The following MCF2L2 variants were observed in gnomAD, a reference collection of about 807,000 sequenced individuals.
The protein encoded by MCF2L2 is probable guanine nucleotide exchange factor MCF2L2.
MCF2L2 carries 102 observed loss-of-function variants against 150.2 expected under a neutral mutation model. That is an observed-to-expected ratio of 0.68 (90% CI 0.58 to 0.80). The LOEUF is 0.80. Ranked by LOEUF, MCF2L2 falls within the 30% of genes least tolerant of loss-of-function variation. The probability of loss-of-function intolerance (pLI) is 0.00; values close to 1 mark genes in which losing one functional copy is unlikely to be tolerated. For synonymous variants in MCF2L2, 465 were observed against 491.3 expected (o/e 0.95, Z 0.71); for missense variants, 1,256 against 1,372.8 (o/e 0.91, Z 1.34).
chr3:183,334,577 C>T (rs1030111833), intron 5 of MCF2L2, among the ~76,000 whole-genome samples: 1 of 151,496 alleles, frequency 6.6e-6, no homozygotes. Flanking sequence ...CACCTGAGGT[C>T]AGGAGTTCGA....
chr3:183,369,894 G>C (rs1712762328), intron 3 of MCF2L2, among the ~76,000 whole-genome samples: 1 of 152,174 alleles, frequency 6.6e-6, no homozygotes, highest in African/African-American at 2.4e-5. Flanking sequence ...TCCAAAGTTT[G>C]ATTTTAAAAA....
At chr3:183,228,803 ACTG>A (rs1255569685) in intron 17 of MCF2L2, among the ~76,000 whole-genome samples, 2 of 152,170 alleles carry the variant, frequency 1.3e-5, no homozygotes, top group Non-Finnish European at 2.9e-5. Context: ...GTTCATAAGA[ACTG>A]CTGCTGCTGC....
At chr3:183,349,016 A>C (rs1387032026) in intron 3 of MCF2L2, among the ~76,000 whole-genome samples, 2 of 152,222 alleles carry the variant, frequency 1.3e-5, no homozygotes, top group Admixed American at 6.5e-5. Context: ...CTAGCAATGC[A>C]GACGATATTC....
Position 183,230,860 on chromosome 3 carries a change from G to A in MCF2L2, c.1929+91C>T, listed in dbSNP as rs1723523618. Reference sequence around the variant, plus strand: ...CTGAAACCTTGGTGGGAATTCTGGAGACTTCTGGCAACTATTTTGAGTCTC... The same window carrying A: ...CTGAAACCTTGGTGGGAATTCTGGAAACTTCTGGCAACTATTTTGAGTCTC... On this transcript the variant is annotated intron_variant, in intron 16 of 29. Transcript: ENST00000328913. 3 of 934,700 alleles carry A rather than the reference G, an allele frequency of 3.2e-6. No homozygotes were observed. The Admixed American group carries it at 6.5e-5, about 20-fold the overall frequency. 57.9% of individuals were successfully genotyped at this position (934,700 alleles called of 1,614,324 possible). A position where few individuals can be genotyped will look rare whatever the true frequency, so the allele number is the denominator to read the frequency against.
At chr3:183,217,294 C>CA (rs35973262) in intron 21 of MCF2L2, among the ~76,000 whole-genome samples, 6,862 of 15,176 alleles carry the variant, frequency 0.45, 2,478 homozygotes, top group Non-Finnish European at 0.56. Flanking sequence ...AACCCCGTCT[C>CA]AAAAAAAAAA....
intron 7 of MCF2L2, among the ~76,000 whole-genome samples, chr3:183,317,777 G>C (rs937341419): frequency 1.3e-5 from 2 of 152,104 alleles, no homozygotes; most frequent in African/African-American, 2.4e-5. Flanking sequence ...CCCGGACAAA[G>C]CTGGAAAAGC....
chr3:183,216,098 T>A lies in MCF2L2; in HGVS notation c.2371-4A>T. On this transcript the variant is annotated splice_polypyrimidine_tract_variant and splice_region_variant and intron_variant, in intron 21 of 29. Coordinates refer to ENST00000328913, the MANE Select transcript of MCF2L2 (RefSeq NM_015078.4). ...CTTTGGTTCTCTTTGGCCCATCCTG[T>A]GGAAAACAAATGCCTTGTTGGAAAT... 7 of 1,612,512 alleles carry A rather than the reference T, an allele frequency of 4.3e-6. No individual in the cohort carries two copies. Among genetic ancestry groups the A allele is most frequent in the Non-Finnish European group, 5.9e-6 (7 of 1,179,302 alleles).
rs150659030 is a variant in MCF2L2, at chr3:183,295,906, C to T, written c.1498-429G>A. On this transcript the variant is annotated intron_variant, in intron 12 of 29. Coordinates refer to ENST00000328913, the MANE Select transcript of MCF2L2 (RefSeq NM_015078.4). Reference sequence around the variant, plus strand: ...CCAGGAGGCAGAGGTTGCACTGAGCCGAGATCATGCCACTGCACTCCAGCC... The same window carrying T: ...CCAGGAGGCAGAGGTTGCACTGAGCTGAGATCATGCCACTGCACTCCAGCC... Among the ~76,000 whole-genome samples, 741 of 152,180 alleles carry T rather than the reference C, an allele frequency of 4.9e-3. 5 individuals are homozygous for T. Among genetic ancestry groups the T allele is most frequent in the Non-Finnish European group, 8.5e-3 (578 of 67,994 alleles).
chr3:183,415,189 A>T (rs1273187059), intron 1 of MCF2L2, among the ~76,000 whole-genome samples: 6 of 147,894 alleles, frequency 4.1e-5, no homozygotes, highest in South Asian at 2.1e-4. Flanking sequence ...GTTGAACTGA[A>T]TTTTTTTTTT....
rs1192539584 is a variant in MCF2L2, at chr3:183,305,556, AG to A, written c.1113+4159del. On this transcript the variant is annotated intron_variant, in intron 10 of 29. Coordinates refer to ENST00000328913, the MANE Select transcript of MCF2L2 (RefSeq NM_015078.4). The surrounding 1 kb of genome is among the most constrained non-coding windows in gnomAD (Gnocchi z 4.1). ...TGGGTCTAGGGAGAAACGCCCATAA[AG>A]GCAACTGAGGAGGCCGGGCGCAGTG... is the stretch of plus-strand genomic sequence containing the variant. Among the ~76,000 whole-genome samples the A allele has an allele frequency of 6.6e-6, 1 of 152,190 alleles. No individual in the cohort carries two copies. Among genetic ancestry groups the A allele is most frequent in the East Asian group, 1.9e-4 (1 of 5,194 alleles).
chr3:183,395,570 C>G (rs1714389171), intron 1 of MCF2L2, among the ~76,000 whole-genome samples: 1 of 152,134 alleles, frequency 6.6e-6, no homozygotes, highest in African/African-American at 2.4e-5. Context: ...CTTAAGCATA[C>G]AGTTTGAGGA....
At chr3:183,312,527 AT>A (rs768424843) in intron 7 of MCF2L2, among the ~76,000 whole-genome samples, 2 of 152,212 alleles carry the variant, frequency 1.3e-5, no homozygotes, top group Non-Finnish European at 2.9e-5. Context: ...GTGCTTGGGA[AT>A]TATGGGTTTG....
chr3:183,324,121 T>C (rs2108522033), intron 5 of MCF2L2, among the ~76,000 whole-genome samples: 1 of 152,298 alleles, frequency 6.6e-6, no homozygotes, highest in South Asian at 2.1e-4. Flanking sequence ...ACAAAGAGTA[T>C]GCATTGAAAA....
At chr3:183,248,414 G>A (rs996546510) in intron 15 of MCF2L2, among the ~76,000 whole-genome samples, 1 of 152,152 alleles carries the variant, frequency 6.6e-6, no homozygotes, top group Admixed American at 6.5e-5. Context: ...AGTACTCAAT[G>A]TAAACCCTAG....
chr3:183,411,003 C>T (rs1220500686), intron 1 of MCF2L2, among the ~76,000 whole-genome samples: 1 of 152,182 alleles, frequency 6.6e-6, no homozygotes, highest in African/African-American at 2.4e-5. Flanking sequence ...ACCTCCTGCT[C>T]TGAGGTTCTG....
At chr3:183,352,055 T>C (rs748034500) in intron 3 of MCF2L2, among the ~76,000 whole-genome samples, 1 of 152,236 alleles carries the variant, frequency 6.6e-6, no homozygotes, top group Non-Finnish European at 1.5e-5. Flanking sequence ...AAATTAAGAA[T>C]GGAAGACATA....
intron 11 of MCF2L2, chr3:183,299,327 T>G (rs1262648189): frequency 6.6e-6 from 1 of 152,300 alleles, no homozygotes; most frequent in East Asian, 1.9e-4. Flanking sequence ...GACACTTTAC[T>G]AAAATACTAG....
At chr3:183,288,323 G>A (rs1727909669) in intron 14 of MCF2L2, among the ~76,000 whole-genome samples, 2 of 152,096 alleles carry the variant, frequency 1.3e-5, no homozygotes, top group South Asian at 4.1e-4. Flanking sequence ...GCAAAGAAAT[G>A]GAAAGTCTCA....
chr3:183,248,822 C>T (rs534634332), intron 15 of MCF2L2, among the ~76,000 whole-genome samples: 1 of 152,116 alleles, frequency 6.6e-6, no homozygotes. Flanking sequence ...AGCAACACAG[C>T]GAGACCCTGT....
Sources: gnomAD v4.1 joint callset for allele counts (sites outside exome capture counted in the v4.1 genomes callset) on GRCh38, gnomAD v4.1.1 for gene constraint, Gnocchi (gnomAD v3.1) non-coding constraint, MANE v1.5 for transcripts, NCBI Gene and HGNC (gene_info 2026-07-23, HGNC 2026-07-21) for gene names.